LRRC56: variants seen among roughly 807,000 people sequenced by gnomAD.
The protein encoded by LRRC56 is leucine rich repeat containing 56.
A neutral mutation model predicts 47.8 loss-of-function variants in LRRC56; 41 were observed. The observed-to-expected ratio is 0.86, with a 90% confidence interval of 0.67 to 1.11. The LOEUF (loss-of-function observed/expected upper bound fraction) is 1.11. LRRC56 is among the 50% of genes most tolerant of loss of function. The pLI is 0.00. For missense variants in LRRC56, 759 were observed against 704.2 expected, an observed-to-expected ratio of 1.08 and a Z score of -0.88; for synonymous variants, 387 against 311.2, an observed-to-expected ratio of 1.24 and a Z score of -2.56.
chr11:532,393 C>T, the LRRC56 span: 3 of 604,920 alleles, frequency 5.0e-6, no homozygotes, highest in East Asian at 2.8e-5. Flanking sequence ...CTGCAGTCAC[C>T]TCGGCCCACG....
At chr11:525,898 A>G in the LRRC56 span, among the ~76,000 whole-genome samples, 2 of 152,104 alleles carry the variant, frequency 1.3e-5, no homozygotes, top group African/African-American at 4.8e-5. Context: ...CCCTGTCTCC[A>G]ACAAATAAAT....
the LRRC56 span, among the ~76,000 whole-genome samples, chr11:531,588 G>C: frequency 6.6e-6 from 1 of 152,224 alleles, no homozygotes; most frequent in African/African-American, 2.4e-5. Flanking sequence ...CGTGGGGCAA[G>C]GGTAGGGTGA....
chr11:533,193 G>T (rs1851213052), upstream of LRRC56: 1 of 1,243,698 alleles, frequency 8.0e-7, no homozygotes, highest in Non-Finnish European at 1.1e-6. Flanking sequence ...CTTCCCCGGA[G>T]CTGTGTCGGC....
At chr11:510,715 GCAACA>G in the LRRC56 span, among the ~76,000 whole-genome samples, 1 of 151,562 alleles carries the variant, frequency 6.6e-6, no homozygotes, top group Admixed American at 6.6e-5. Context: ...TCCAGCCTGG[GCAACA>G]AAAAGCAAAA....
the LRRC56 span, among the ~76,000 whole-genome samples, chr11:512,673 CTT>C: frequency 1.3e-5 from 2 of 152,196 alleles, no homozygotes; most frequent in Admixed American, 6.5e-5. Context: ...CTATTTTGAA[CTT>C]TATATAAATG....
At chr11:522,252 G>T in the LRRC56 span, among the ~76,000 whole-genome samples, 220 of 151,192 alleles carry the variant, frequency 1.5e-3, 2 homozygotes, top group East Asian at 0.03. Flanking sequence ...CTGATTTCTG[G>T]TTTTTTTGTT....
At chr11:513,522 A>G in the LRRC56 span, among the ~76,000 whole-genome samples, 33 of 152,164 alleles carry the variant, frequency 2.2e-4, no homozygotes, top group African/African-American at 7.5e-4. Flanking sequence ...CTGAGATAAC[A>G]AAGGATTTAG....
rs936411162 is a variant in LRRC56, at chr11:554,903, A to G, written c.*627A>G. On this transcript the variant is annotated 3_prime_UTR_variant, in exon 14 of 14. Coordinates refer to ENST00000270115, the MANE Select transcript of LRRC56 (RefSeq NM_198075.4). ...GTAGGCCACGTTGGTTCAATAAATG[A>G]TGCAGCGGACACAGCCCGCCCAGCC... is the stretch of plus-strand genomic sequence containing the variant. 8.7e-6 allele frequency: 9 copies of G among 1,030,708 alleles called. No individual in the cohort carries two copies. The African/African-American group carries it at 1.5e-4, about 18-fold the overall frequency. 63.8% of individuals were successfully genotyped at this position (1,030,708 alleles called of 1,614,324 possible).
chr11:545,732 G>A (rs1200160905), intron 6 of LRRC56, among the ~76,000 whole-genome samples: 2 of 152,198 alleles, frequency 1.3e-5, no homozygotes, highest in African/African-American at 2.4e-5. Context: ...AGGAACATCC[G>A]ACTTTATTCT....
chr11:552,548 C>A (rs569566022), intron 12 of LRRC56, 21 bp from the exon 13 acceptor site: 1 of 1,585,846 alleles, frequency 6.3e-7, no homozygotes, highest in Non-Finnish European at 8.6e-7. Flanking sequence ...GCTGGAGCTT[C>A]TCCTCCTCTC....
At chr11:518,316 G>A in the LRRC56 span, among the ~76,000 whole-genome samples, 1 of 151,846 alleles carries the variant, frequency 6.6e-6, no homozygotes, top group African/African-American at 2.4e-5. Flanking sequence ...GGAGTAGCTG[G>A]GACTACAGGT....
At chr11:510,783 C>T in the LRRC56 span, among the ~76,000 whole-genome samples, 2 of 151,888 alleles carry the variant, frequency 1.3e-5, no homozygotes, top group Non-Finnish European at 1.5e-5. Context: ...GTGGCCTGCA[C>T]CTGTAATCCC....
the LRRC56 span, among the ~76,000 whole-genome samples, chr11:518,492 A>AT: frequency 2.6e-5 from 4 of 150,964 alleles, no homozygotes; most frequent in East Asian, 3.9e-4. Flanking sequence ...AGCTTTTTAA[A>AT]TTTTTTTTGT....
chr11:509,329 T>C, the LRRC56 span, among the ~76,000 whole-genome samples: 1 of 152,246 alleles, frequency 6.6e-6, no homozygotes, highest in African/African-American at 2.4e-5. Flanking sequence ...TCTGGTTTCA[T>C]TTCATTCTTT....
At chr11:545,594 T>C (rs1000100997) in intron 6 of LRRC56, among the ~76,000 whole-genome samples, 7 of 151,032 alleles carry the variant, frequency 4.6e-5, no homozygotes, top group Non-Finnish European at 8.8e-5. Context: ...CAGCAGAGCC[T>C]GTGTACAGAA....
At chr11:526,404 C>T in the LRRC56 span, among the ~76,000 whole-genome samples, 1 of 152,088 alleles carries the variant, frequency 6.6e-6, no homozygotes, top group African/African-American at 2.4e-5. Flanking sequence ...CCGATGCATC[C>T]CGGCTGAGAA....
the LRRC56 span, among the ~76,000 whole-genome samples, chr11:508,631 G>C: frequency 2.6e-4 from 40 of 151,862 alleles, no homozygotes; most frequent in Admixed American, 5.3e-4. Context: ...GCCAGGCATG[G>C]TGGTGGGCAC....
At chr11:528,055 T>G in the LRRC56 span, among the ~76,000 whole-genome samples, 3 of 149,350 alleles carry the variant, frequency 2.0e-5, no homozygotes, top group Non-Finnish European at 4.5e-5. Flanking sequence ...AGGCTGGTCT[T>G]GAACTCCTGA....
upstream of LRRC56, among the ~76,000 whole-genome samples, chr11:536,367 A>G (rs918824789): frequency 5.9e-5 from 9 of 152,274 alleles, no homozygotes; most frequent in African/African-American, 2.2e-4. Flanking sequence ...CGAAGTGCCC[A>G]GGGCTCACCC....
Sources: gnomAD v4.1 joint callset for allele counts (sites outside exome capture counted in the v4.1 genomes callset) on GRCh38, gnomAD v4.1.1 for gene constraint, MANE v1.5 for transcripts, NCBI Gene and HGNC (gene_info 2026-07-23, HGNC 2026-07-21) for gene names.